NCBP3: variants seen among roughly 807,000 people sequenced by gnomAD.
NCBP3 encodes the protein nuclear cap-binding protein subunit 3.
Under a neutral mutation model 75.7 loss-of-function variants are expected in NCBP3, and 20 were observed. That is an observed-to-expected ratio of 0.26 (90% CI 0.19 to 0.38). The LOEUF (loss-of-function observed/expected upper bound fraction) is 0.38, where lower values mean the gene tolerates loss of function less well. Ranked by LOEUF, NCBP3 falls within the 10% of genes least tolerant of loss-of-function variation. The pLI, the probability that NCBP3 is intolerant of heterozygous loss-of-function variation, is 1.00. For synonymous variants in NCBP3, 293 were observed against 290.5 expected, an observed-to-expected ratio of 1.01 and a Z score of -0.09; for missense variants, 678 against 796.9, an observed-to-expected ratio of 0.85 and a Z score of 1.80.
At chr17:3,832,729 A>T (rs894551057) in intron 3 of NCBP3, among the ~76,000 whole-genome samples, 8 of 152,120 alleles carry the variant, frequency 5.3e-5, no homozygotes, top group East Asian at 1.9e-4. Context: ...AAATTTAAAA[A>T]TTTTTTAGCC....
intron 9 of NCBP3, among the ~76,000 whole-genome samples, chr17:3,819,063 C>T (rs1389265920): frequency 6.6e-6 from 1 of 152,062 alleles, no homozygotes; most frequent in Non-Finnish European, 1.5e-5. Flanking sequence ...TCTGTGCCTG[C>T]TGCTAGTGAT....
chr17:3,836,631 C>A (rs1460375088), intron 3 of NCBP3, among the ~76,000 whole-genome samples: 3 of 127,172 alleles, frequency 2.4e-5, no homozygotes, highest in Non-Finnish European at 4.8e-5. Context: ...CCAGCCTAGG[C>A]AACAGAGTGA....
chr17:3,844,875 G>A (rs1267541635), intron 1 of NCBP3, among the ~76,000 whole-genome samples: 3 of 152,152 alleles, frequency 2.0e-5, no homozygotes, highest in Admixed American at 6.5e-5. Context: ...CGGAAGTTGC[G>A]GTGAGCCGAG....
At chr17:3,845,252 T>C (rs1470464879) in intron 1 of NCBP3, among the ~76,000 whole-genome samples, 1 of 152,200 alleles carries the variant, frequency 6.6e-6, no homozygotes, top group Non-Finnish European at 1.5e-5. Flanking sequence ...TTAACCTTTC[T>C]CCATAACTTC....
chr17:3,826,999 G>A (rs983382182), intron 4 of NCBP3, among the ~76,000 whole-genome samples: 3 of 143,634 alleles, frequency 2.1e-5, no homozygotes, highest in Non-Finnish European at 3.0e-5. Context: ...GCGACAGAGC[G>A]AGACTCTGTC....
At chr17:3,838,555 T>A (rs1174186989) in intron 3 of NCBP3, among the ~76,000 whole-genome samples, 1 of 152,304 alleles carries the variant, frequency 6.6e-6, no homozygotes, top group East Asian at 1.9e-4. Context: ...CAGCTCTGCA[T>A]CCACACTGCT....
At position 3,802,543 on chromosome 17, in the gene NCBP3, C is replaced by A. The variant is rs938683505; in HGVS notation, c.*10501G>T. ...AATTCCAGGTCTGGTGGTTTTCCTG[C>A]CAGGTCATGATGAAACCATCCTACT... On this transcript the variant is annotated 3_prime_UTR_variant, in exon 13 of 13. Transcript: ENST00000389005. The A allele has an allele frequency of 6.6e-6, 1 of 152,234 alleles. No individual in the cohort carries two copies. The highest frequency in any genetic ancestry group is 1.5e-5 in the Non-Finnish European group (1 of 68,054). 9.4% of individuals were successfully genotyped at this position (152,234 alleles called of 1,614,324 possible).
Position 3,809,561 on chromosome 17 carries a change from G to A in NCBP3, c.*3483C>T, listed in dbSNP as rs1030103784. On this transcript the variant is annotated 3_prime_UTR_variant, in exon 13 of 13. Coordinates refer to ENST00000389005, the MANE Select transcript of NCBP3 (RefSeq NM_001114118.3). ...TCTCTACTAAAAATACAAAAAATTA[G>A]CCAGCGTGGTGGCACATGCCTGTAA... 6.6e-6 allele frequency: 1 copy of A among 152,060 alleles called. No homozygotes were observed. Among genetic ancestry groups the A allele is most frequent in the Non-Finnish European group, 1.5e-5 (1 of 68,050 alleles). 9.4% of individuals were successfully genotyped at this position (152,060 alleles called of 1,614,324 possible).
In NCBP3 at chr17:3,806,590, G is replaced by A. The variant is rs2053339125; in HGVS notation, c.*6454C>T. 1 of 152,026 alleles carries A rather than the reference G, an allele frequency of 6.6e-6. No homozygotes were observed. Among genetic ancestry groups the A allele is most frequent in the East Asian group, 1.9e-4 (1 of 5,190 alleles). The allele number at this position is 152,026 out of a possible 1,614,324, so 9.4% of individuals were successfully genotyped here. A position where few individuals can be genotyped will look rare whatever the true frequency, so the allele number is the denominator to read the frequency against. Reference sequence around the variant, plus strand: ...GGTGAAATACCGCCTATACTCTCAAGTTTTATGGATAGTGCAGCCAAATTC... The same window carrying A: ...GGTGAAATACCGCCTATACTCTCAAATTTTATGGATAGTGCAGCCAAATTC... On this transcript the variant is annotated 3_prime_UTR_variant, in exon 13 of 13. Transcript: ENST00000389005.
Position 3,818,673 on chromosome 17 carries a change from T to C in NCBP3, c.1001-101A>G. ...ACCTTTTTAAAAGGTGGGGTTCCCATCCCTGACATTTTATTGGAGCACTAT... is the reference window on the plus strand; with the variant it reads ...ACCTTTTTAAAAGGTGGGGTTCCCACCCCTGACATTTTATTGGAGCACTAT... On this transcript the variant is annotated intron_variant, in intron 9 of 12. Transcript: ENST00000389005. This position sits in a 1 kb window ranked among gnomAD's most constrained non-coding sequence, Gnocchi z 4.7. 7.6e-7 allele frequency: 1 copy of C among 1,311,710 alleles called. No homozygotes were observed. Among genetic ancestry groups the C allele is most frequent in the Non-Finnish European group, 1.0e-6 (1 of 961,814 alleles). 81.3% of individuals were successfully genotyped at this position (1,311,710 alleles called of 1,614,324 possible). A position where few individuals can be genotyped will look rare whatever the true frequency, so the allele number is the denominator to read the frequency against.
chr17:3,815,995 T>C (rs1317913121), intron 11 of NCBP3, 121 bp downstream of exon 11: 3 of 890,596 alleles, frequency 3.4e-6, no homozygotes, highest in Non-Finnish European at 4.9e-6. Context: ...AATTTAGACA[T>C]GATGAACCAG....
In NCBP3 at chr17:3,818,363, A is replaced by C; in HGVS notation, c.1210T>G (p.Tyr404Asp). The change falls in exon 10 of 13, where the codon TAT (tyrosine) becomes GAT (aspartate). Residue 404 changes from tyrosine (Y) to aspartate (D), a missense_variant. Coordinates refer to ENST00000389005, the MANE Select transcript of NCBP3 (RefSeq NM_001114118.3). This position sits in a 1 kb window ranked among gnomAD's most constrained non-coding sequence, Gnocchi z 4.7. ...GAAATCATTTTCAGTTCTAGATCAT[A>C]GTCCATTTCATCTGAGTCTGAGCTG... ...ASSSDSDEMD[Y>D]DLELKMISTP... is the part of the protein sequence containing the mutation. The C allele has an allele frequency of 1.9e-6, 3 of 1,614,204 alleles. No homozygotes were observed. The South Asian group carries it at 3.3e-5, about 18-fold the overall frequency.
chr17:3,839,789 A>T (rs2054033917), intron 3 of NCBP3, among the ~76,000 whole-genome samples: 1 of 152,236 alleles, frequency 6.6e-6, no homozygotes, highest in Non-Finnish European at 1.5e-5. Flanking sequence ...CCTCTACGAT[A>T]AAAGGAGAAA....
chr17:3,841,956 CTT>C (rs1356598683), intron 2 of NCBP3, among the ~76,000 whole-genome samples: 6 of 151,928 alleles, frequency 3.9e-5, no homozygotes, highest in African/African-American at 1.4e-4. Context: ...CTGTTCCAAA[CTT>C]AACTGTAAAC....
At chr17:3,844,668 T>G (rs1350726010) in intron 1 of NCBP3, among the ~76,000 whole-genome samples, 1 of 152,082 alleles carries the variant, frequency 6.6e-6, no homozygotes, top group Admixed American at 6.5e-5. Context: ...CTGGCCAACA[T>G]GGAGAAACCC....
chr17:3,814,214 T>C (rs1488630343), intron 12 of NCBP3, 108 bp downstream of exon 12: 1 of 1,075,264 alleles, frequency 9.3e-7, no homozygotes, highest in African/African-American at 1.6e-5. Context: ...CACTTATATT[T>C]GGCGTGGGCT....
rs557747397 is a variant in NCBP3, at chr17:3,829,870, A to G, written c.356-502T>C. 2.0e-3 allele frequency among the ~76,000 whole-genome samples: 300 copies of G among 152,348 alleles called. 2 individuals are homozygous for G. The highest frequency in any genetic ancestry group is 6.7e-3 in the African/African-American group (279 of 41,576). ...AACCCAAAATAAAAATGGGCAAAGG[A>G]CATGAGTAAGCAATTTACATAAAAG... On this transcript the variant is annotated intron_variant, in intron 3 of 12. Transcript: ENST00000389005.
chr17:3,839,355 T>G (rs540307958), intron 3 of NCBP3, among the ~76,000 whole-genome samples: 1 of 148,880 alleles, frequency 6.7e-6, no homozygotes, highest in East Asian at 2.0e-4. Context: ...AGATTCAGAA[T>G]TTTTTTTTTT....
intron 9 of NCBP3, among the ~76,000 whole-genome samples, chr17:3,819,790 A>G (rs1165507131): frequency 6.6e-6 from 1 of 152,228 alleles, no homozygotes; most frequent in African/African-American, 2.4e-5. Context: ...TTATGAAAAC[A>G]AATGGGAAAA....
Sources: gnomAD v4.1 joint callset for allele counts (sites outside exome capture counted in the v4.1 genomes callset) on GRCh38, gnomAD v4.1.1 for gene constraint, Gnocchi (gnomAD v3.1) non-coding constraint, MANE v1.5 for transcripts, NCBI Gene and HGNC (gene_info 2026-07-23, HGNC 2026-07-21) for gene names.